CLVS1: variants seen among roughly 807,000 people sequenced by gnomAD.
The protein encoded by CLVS1 is clavesin-1.
In CLVS1, 10 loss-of-function variants were observed where a neutral mutation model predicts 33.1. That is an observed-to-expected ratio of 0.30 (90% CI 0.19 to 0.51). The LOEUF (loss-of-function observed/expected upper bound fraction) is 0.51. CLVS1 is among the 20% of genes least tolerant of loss of function. CLVS1 has a pLI of 0.97. For missense variants in CLVS1, 343 were observed against 433.4 expected, an observed-to-expected ratio of 0.79 and a Z score of 1.85; for synonymous variants, 163 against 166.1, an observed-to-expected ratio of 0.98 and a Z score of 0.14.
the CLVS1 span, among the ~76,000 whole-genome samples, chr8:60,984,291 G>GA: frequency 3.4e-5 from 5 of 148,996 alleles, no homozygotes; most frequent in East Asian, 3.9e-4. Context: ...AAAAGGTCTA[G>GA]TTTTTTTTCT....
chr8:61,064,434 A>C (rs1002945789), intron 1 of CLVS1, among the ~76,000 whole-genome samples: 3 of 151,164 alleles, frequency 2.0e-5, no homozygotes, highest in African/African-American at 7.3e-5. Flanking sequence ...TGAGGTTTTG[A>C]TTTGCGTTTT....
chr8:61,368,180 G>A (rs1053918354), intron 2 of CLVS1, among the ~76,000 whole-genome samples: 12 of 152,176 alleles, frequency 7.9e-5, no homozygotes, highest in African/African-American at 2.9e-4. Flanking sequence ...ACTGTAAATG[G>A]TGAGTTATTG....
chr8:61,416,670 G>T (rs778808541), intron 3 of CLVS1, among the ~76,000 whole-genome samples: 1 of 152,148 alleles, frequency 6.6e-6, no homozygotes, highest in Non-Finnish European at 1.5e-5. Flanking sequence ...CCCCAGGCCT[G>T]CTTGGACAAA....
intron 2 of CLVS1, among the ~76,000 whole-genome samples, chr8:61,165,041 G>A (rs1806829058): frequency 6.6e-6 from 1 of 152,218 alleles, no homozygotes; most frequent in South Asian, 2.1e-4. Context: ...TCTATTAGAA[G>A]CCGTGGGTCA....
intron 2 of CLVS1, among the ~76,000 whole-genome samples, chr8:61,361,478 C>G (rs1422361842): frequency 6.6e-6 from 1 of 152,168 alleles, no homozygotes; most frequent in East Asian, 1.9e-4. Context: ...ATTCTCCAAG[C>G]CTTTTAGAGA....
chr8:61,228,456 A>G (rs1295959808), intron 2 of CLVS1, among the ~76,000 whole-genome samples: 2 of 152,216 alleles, frequency 1.3e-5, no homozygotes, highest in Non-Finnish European at 2.9e-5. Flanking sequence ...TAATATACCT[A>G]ACCTACCAAA....
chr8:61,412,203 T>C (rs1337295463), intron 3 of CLVS1, among the ~76,000 whole-genome samples: 1 of 152,214 alleles, frequency 6.6e-6, no homozygotes, highest in Non-Finnish European at 1.5e-5. Context: ...GATGTGAATA[T>C]ATATACCAGT....
intron 2 of CLVS1, among the ~76,000 whole-genome samples, chr8:61,150,259 C>A (rs1025913654): frequency 1.3e-5 from 2 of 152,132 alleles, no homozygotes; most frequent in Admixed American, 1.3e-4. Flanking sequence ...CCCAGGAATG[C>A]CTCACTTCTG....
chr8:61,273,257 G>T (rs1387545691), intron 2 of CLVS1, among the ~76,000 whole-genome samples: 1 of 152,074 alleles, frequency 6.6e-6, no homozygotes, highest in Non-Finnish European at 1.5e-5. Flanking sequence ...GCCGTGTGAG[G>T]TGTCAGTCTG....
intron 5 of CLVS1, among the ~76,000 whole-genome samples, chr8:61,483,961 T>G (rs1586042883): frequency 6.6e-6 from 1 of 151,956 alleles, no homozygotes; most frequent in Non-Finnish European, 1.5e-5. Flanking sequence ...TATGAGCTAT[T>G]TATGAAAAAC....
At chr8:61,236,797 G>T (rs1479213368) in intron 2 of CLVS1, among the ~76,000 whole-genome samples, 1 of 152,136 alleles carries the variant, frequency 6.6e-6, no homozygotes, top group African/African-American at 2.4e-5. Flanking sequence ...GGAAATTATG[G>T]TCAAGAGAGC....
At chr8:61,074,481 GTATATGTGTATATA>G (rs1446080389) in intron 1 of CLVS1, among the ~76,000 whole-genome samples, 5 of 135,138 alleles carry the variant, frequency 3.7e-5, no homozygotes, top group Admixed American at 1.5e-4. Context: ...ATATATATAA[GTATATGTGTATATA>G]TATATGTGTA....
At chr8:61,288,231 T>A (rs995220155) in intron 1 of CLVS1, 93 bp downstream of exon 1, 1 of 456,212 alleles carries the variant, frequency 2.2e-6, no homozygotes, top group African/African-American at 2.0e-5. Flanking sequence ...GTTTCAGCAC[T>A]TCGGTATGTG....
intron 2 of CLVS1, among the ~76,000 whole-genome samples, chr8:61,240,803 A>G (rs1473803482): frequency 2.0e-5 from 3 of 152,066 alleles, no homozygotes; most frequent in Non-Finnish European, 4.4e-5. Context: ...TGCAACATTA[A>G]ATAGAAGTGG....
chr8:60,992,621 G>C, the CLVS1 span, among the ~76,000 whole-genome samples: 1 of 152,234 alleles, frequency 6.6e-6, no homozygotes, highest in Non-Finnish European at 1.5e-5. Context: ...GGGGTTCTTA[G>C]AGAGTGTCCC....
chr8:61,208,968 TA>T (rs1807917874), intron 2 of CLVS1, among the ~76,000 whole-genome samples: 1 of 152,060 alleles, frequency 6.6e-6, no homozygotes, highest in African/African-American at 2.4e-5. Context: ...ATAATCCCAT[TA>T]AAAATAGTGT....
At chr8:61,404,940 C>T (rs1814928118) in intron 3 of CLVS1, among the ~76,000 whole-genome samples, 1 of 152,166 alleles carries the variant, frequency 6.6e-6, no homozygotes, top group Non-Finnish European at 1.5e-5. Context: ...ATGGGAGGGA[C>T]TGAGTAGCTG....
chr8:61,330,544 C>T (rs1811555543), intron 2 of CLVS1, among the ~76,000 whole-genome samples: 1 of 152,176 alleles, frequency 6.6e-6, no homozygotes, highest in Admixed American at 6.5e-5. Context: ...TCACCTTCAG[C>T]AGTGATGGGA....
intron 2 of CLVS1, chr8:61,202,458 T>C: frequency 1.2e-6 from 1 of 802,046 alleles, no homozygotes; most frequent in South Asian, 1.3e-5. Context: ...TGGATAATGA[T>C]GAAAATGAGC....
Sources: gnomAD v4.1 joint callset for allele counts (sites outside exome capture counted in the v4.1 genomes callset) on GRCh38, gnomAD v4.1.1 for gene constraint, MANE v1.5 for transcripts, NCBI Gene and HGNC (gene_info 2026-07-23, HGNC 2026-07-21) for gene names.